Variants in PPP1R3A observed in about 807,000 individuals in gnomAD.
PPP1R3A encodes RG1.
PPP1R3A carries 29 observed loss-of-function variants against 41.7 expected under a neutral mutation model. The observed-to-expected ratio is 0.70, with a 90% CI of 0.52 to 0.95. PPP1R3A has a LOEUF of 0.95. PPP1R3A is among the 40% of genes least tolerant of loss of function. PPP1R3A has a pLI of 0.00. For missense variants in PPP1R3A, 1,352 were observed against 1,292.4 expected, an observed-to-expected ratio of 1.05 and a Z score of -0.71; for synonymous variants, 485 against 453.4, an observed-to-expected ratio of 1.07 and a Z score of -0.89.
Position 113,877,780 on chromosome 7 carries a change from T to C in PPP1R3A, c.3312A>G (p.Ser1104=), listed in dbSNP as rs1223137857. Residue 1104 remains serine (S), a synonymous_variant, in exon 4 of 4, where the codon TCA becomes TCG. Transcript: ENST00000284601. ...LMIGLTFYVL[S]LSWLSWEEGR... ...CCTCTTCCCAGGATAGCCAGGACAA[T>C]GACAAAACGTAGAATGTCAAGCCAA... 3 of 1,601,952 alleles carry C rather than the reference T, an allele frequency of 1.9e-6. No individual in the cohort carries two copies. The East Asian group carries it at 6.7e-5, about 36-fold the overall frequency.
chr7:113,878,506 C>A lies in PPP1R3A; in HGVS notation c.2586G>T (p.Leu862=), dbSNP rs759106008. ...TTGGTAACATTCCCAACTGTAAATC[C>A]AGTTTTGAAGTTGCTTTTTGATATT... ...ITEYQKATSK[L]DLQLGMLPTD... is the part of the protein sequence containing the mutation. Residue 862 remains leucine, a synonymous_variant, in exon 4 of 4, where the codon CTG becomes CTT. Coordinates refer to ENST00000284601, the MANE Select transcript of PPP1R3A (RefSeq NM_002711.4). 1.2e-6 allele frequency: 2 copies of A among 1,613,304 alleles called. No homozygotes were observed. Among genetic ancestry groups the A allele is most frequent in the Non-Finnish European group, 1.7e-6 (2 of 1,179,646 alleles).
intron 1 of PPP1R3A, among the ~76,000 whole-genome samples, chr7:113,892,659 A>G (rs1368849830): frequency 6.6e-6 from 1 of 152,036 alleles, no homozygotes; most frequent in Non-Finnish European, 1.5e-5. Context: ...GCGCCTGAGG[A>G]AAAACAAATT....
At chr7:113,881,140 T>A (rs192957544) in intron 3 of PPP1R3A, among the ~76,000 whole-genome samples, 6 of 152,198 alleles carry the variant, frequency 3.9e-5, no homozygotes, top group African/African-American at 1.4e-4. Flanking sequence ...GGGTGACAAC[T>A]TTGTAGTTTC....
chr7:113,907,187 T>G (rs191466431), intron 1 of PPP1R3A, among the ~76,000 whole-genome samples: 1 of 151,720 alleles, frequency 6.6e-6, no homozygotes, highest in Non-Finnish European at 1.5e-5. Flanking sequence ...AACCCCATAA[T>G]GTATTGTTTT....
chr7:113,894,445 A>T (rs1239120532), intron 1 of PPP1R3A, among the ~76,000 whole-genome samples: 1 of 151,956 alleles, frequency 6.6e-6, no homozygotes, highest in Non-Finnish European at 1.5e-5. Flanking sequence ...TGCGTTCTTA[A>T]ACAATAGTCA....
At chr7:113,884,342 CTT>C (rs775766871) in intron 1 of PPP1R3A, among the ~76,000 whole-genome samples, 2 of 151,804 alleles carry the variant, frequency 1.3e-5, no homozygotes, top group African/African-American at 4.8e-5. Flanking sequence ...GGAGGAGGAA[CTT>C]TTTTTATCAG....
chr7:113,890,126 C>A (rs1428485639), intron 1 of PPP1R3A, among the ~76,000 whole-genome samples: 1 of 151,786 alleles, frequency 6.6e-6, no homozygotes, highest in Non-Finnish European at 1.5e-5. Context: ...ATCCAAGATA[C>A]AATTTAGTAA....
At chr7:113,895,599 C>T (rs368794612) in intron 1 of PPP1R3A, among the ~76,000 whole-genome samples, 5 of 151,898 alleles carry the variant, frequency 3.3e-5, no homozygotes. Context: ...GGTTAGATGC[C>T]TCTATGATAT....
chr7:113,909,087 A>G (rs965682507), intron 1 of PPP1R3A, among the ~76,000 whole-genome samples: 2 of 151,954 alleles, frequency 1.3e-5, no homozygotes, highest in African/African-American at 4.8e-5. Context: ...AGCCTTATGC[A>G]ATAAACCCAT....
intron 1 of PPP1R3A, among the ~76,000 whole-genome samples, chr7:113,900,736 T>C (rs1168605064): frequency 6.7e-6 from 1 of 148,406 alleles, no homozygotes; most frequent in East Asian, 2.0e-4. Flanking sequence ...TATATAAGTA[T>C]ATACTTGTAT....
At chr7:113,907,104 T>C (rs1797160719) in intron 1 of PPP1R3A, among the ~76,000 whole-genome samples, 1 of 151,758 alleles carries the variant, frequency 6.6e-6, no homozygotes, top group Admixed American at 6.6e-5. Flanking sequence ...AATGGAAAGC[T>C]CTAAAAACAT....
chr7:113,888,371 T>C (rs1584815470), intron 1 of PPP1R3A, among the ~76,000 whole-genome samples: 1 of 152,188 alleles, frequency 6.6e-6, no homozygotes, highest in African/African-American at 2.4e-5. Context: ...CACAAAATGA[T>C]AAGGGCAAAG....
chr7:113,881,323 C>G (rs917078186), intron 3 of PPP1R3A, among the ~76,000 whole-genome samples: 10 of 151,986 alleles, frequency 6.6e-5, no homozygotes, highest in Admixed American at 2.0e-4. Context: ...TCCATGTATT[C>G]CAATGATATG....
chr7:113,907,894 T>G (rs141400077), intron 1 of PPP1R3A, among the ~76,000 whole-genome samples: 1 of 151,814 alleles, frequency 6.6e-6, no homozygotes, highest in African/African-American at 2.4e-5. Context: ...TTTTGCTAGG[T>G]GTTAATTTCT....
At chr7:113,896,958 A>G (rs1188123058) in intron 1 of PPP1R3A, among the ~76,000 whole-genome samples, 1 of 151,960 alleles carries the variant, frequency 6.6e-6, no homozygotes, top group Non-Finnish European at 1.5e-5. Flanking sequence ...CAACAGAATT[A>G]GCTACAGAAT....
chr7:113,892,357 T>C (rs1796906211), intron 1 of PPP1R3A, among the ~76,000 whole-genome samples: 2 of 152,060 alleles, frequency 1.3e-5, no homozygotes, highest in African/African-American at 4.8e-5. Context: ...AATAATTATA[T>C]AGTGTATTGT....
At chr7:113,886,649 A>G (rs1796789246) in intron 1 of PPP1R3A, among the ~76,000 whole-genome samples, 1 of 152,202 alleles carries the variant, frequency 6.6e-6, no homozygotes, top group Admixed American at 6.6e-5. Context: ...GCAGGTGCTT[A>G]TTAATAATTT....
chr7:113,904,874 C>T (rs1455413538), intron 1 of PPP1R3A, among the ~76,000 whole-genome samples: 1 of 151,628 alleles, frequency 6.6e-6, no homozygotes, highest in African/African-American at 2.4e-5. Context: ...ACAATGTTTT[C>T]ACTGGGACCC....
In PPP1R3A at chr7:113,878,940, C is replaced by T. The variant is rs201320705; in HGVS notation, c.2152G>A (p.Asp718Asn). Residue 718 changes from aspartate (D) to asparagine (N), a missense_variant, in exon 4 of 4, where the codon GAT becomes AAT. By Grantham distance (23) the Asp-to-Asn change is conservative (BLOSUM62 1). Coordinates refer to ENST00000284601, the MANE Select transcript of PPP1R3A (RefSeq NM_002711.4). ...TVCCELSSLA[D>N]HGITEKAEAG... ...TCTGCTTTCTCAGTAATGCCATGAT[C>T]AGCTAGAGAAGACAGTTCACAGCAC... is the stretch of plus-strand genomic sequence containing the variant. The T allele has an allele frequency of 6.8e-6, 11 of 1,613,206 alleles. No individual in the cohort carries two copies. The East Asian group carries it at 2.2e-4, about 33-fold the overall frequency.
Sources: gnomAD v4.1 joint callset for allele counts (sites outside exome capture counted in the v4.1 genomes callset) on GRCh38, gnomAD v4.1.1 for gene constraint, MANE v1.5 for transcripts, NCBI Gene and HGNC (gene_info 2026-07-23, HGNC 2026-07-21) for gene names.